MGRN1: variants seen among roughly 807,000 people sequenced by gnomAD.
MGRN1 encodes mahogunin ring finger 1, also known as E3 ubiquitin-protein ligase MGRN1.
In MGRN1, 29 loss-of-function variants were observed where a neutral mutation model predicts 69.2. The observed-to-expected ratio is 0.42, with a 90% CI of 0.31 to 0.57. The LOEUF (loss-of-function observed/expected upper bound fraction) is 0.57. MGRN1 is among the 20% of genes least tolerant of loss of function. MGRN1 has a pLI of 0.15. For missense variants in MGRN1, 998 were observed against 796.2 expected, an observed-to-expected ratio of 1.25 and a Z score of -3.05; for synonymous variants, 470 against 344.2, an observed-to-expected ratio of 1.37 and a Z score of -4.04.
chr16:4,652,725 G>A lies in MGRN1; in HGVS notation c.344G>A (p.Arg115Gln), dbSNP rs369428684. ...DSPTEDGDKP[R>Q]VLYSLEFTFD... ...CCCACCGAGGACGGCGACAAGCCCC[G>A]GGTGCTCTACAGCCTGGAGTTCACC... The change falls in exon 4 of 17, where the codon CGG becomes CAG. Residue 115 changes from arginine (R) to glutamine (Q), a missense_variant. Arg to Gln is a conservative substitution (Grantham distance 43). Coordinates refer to ENST00000262370, the MANE Select transcript of MGRN1 (RefSeq NM_015246.4). 43 of 1,613,134 alleles carry A rather than the reference G, an allele frequency of 2.7e-5. 1 individual carries two copies. Among genetic ancestry groups the A allele is most frequent in the South Asian group, 2.6e-4 (24 of 90,934 alleles).
In MGRN1 at chr16:4,664,763, G is replaced by T; in HGVS notation, c.616G>T (p.Asp206Tyr). The T allele has an allele frequency of 6.2e-7, 1 of 1,614,236 alleles. No homozygotes were observed. Among genetic ancestry groups the T allele is most frequent in the South Asian group, 1.1e-5 (1 of 91,086 alleles). ...TCCAGTAGTCATCCAGGCTGTGGTGGACGAAGGAGATGGTGAGTGCGTCCT... is the reference window on the plus strand; with the variant it reads ...TCCAGTAGTCATCCAGGCTGTGGTGTACGAAGGAGATGGTGAGTGCGTCCT... The part of the protein sequence containing the change: ...VFPVVIQAVV[D>Y]EGDVVEVTGH... Residue 206 changes from aspartate to tyrosine, a missense_variant, in exon 6 of 17, where the codon GAC becomes TAC. Transcript: ENST00000262370.
rs778497664 is a variant in MGRN1 at position 4,683,202 on chromosome 16, T to C, written c.1483-22T>C. On this transcript the variant is annotated intron_variant, in intron 14 of 16. Transcript: ENST00000262370. ...GGCCGCGGCTCTCTGAGCTCTAGGC[T>C]ACTTTCCCCTTTGTTTCCTAGAGTT... 5.0e-6 allele frequency: 8 copies of C among 1,613,178 alleles called. No individual in the cohort carries two copies. The East Asian group carries it at 1.8e-4, about 36-fold the overall frequency.
At position 4,624,855 on chromosome 16, in the gene MGRN1, A is replaced by G. The variant is rs1897583622; in HGVS notation, c.-106A>G. ...GCTCGAGGCGCCTCCGCGGCCGTGG[A>G]CGAGCGTCCGTGCGGCCTGGTCCGG... On this transcript the variant is annotated 5_prime_UTR_variant, in exon 1 of 17. Coordinates refer to ENST00000262370, the MANE Select transcript of MGRN1 (RefSeq NM_015246.4). The G allele has an allele frequency of 1.1e-6, 1 of 942,122 alleles. No homozygotes were observed. Among genetic ancestry groups the G allele is most frequent in the African/African-American group, 1.7e-5 (1 of 57,706 alleles). 58.4% of individuals were successfully genotyped at this position (942,122 alleles called of 1,614,324 possible). A position where few individuals can be genotyped will look rare whatever the true frequency, so the allele number is the denominator to read the frequency against.
chr16:4,638,474 AAT>A (rs2078081373), intron 1 of MGRN1, among the ~76,000 whole-genome samples: 1 of 151,514 alleles, frequency 6.6e-6, no homozygotes, highest in African/African-American at 2.4e-5. Flanking sequence ...CAAAAAAAAA[AAT>A]AAATAAATAT....
intron 1 of MGRN1, 112 bp downstream of exon 1, chr16:4,625,160 T>G: frequency 9.6e-7 from 1 of 1,044,626 alleles, no homozygotes; most frequent in Non-Finnish European, 1.3e-6. Flanking sequence ...CCTCCGGGCC[T>G]CGTTGCTACC....
chr16:4,666,834 G>C (rs1047776281), intron 7 of MGRN1, among the ~76,000 whole-genome samples: 1 of 152,188 alleles, frequency 6.6e-6, no homozygotes, highest in African/African-American at 2.4e-5. Flanking sequence ...CTGTCCTCTT[G>C]GGTGTCTTGG....
rs1467212925 is a variant in MGRN1 at position 4,689,618 on chromosome 16, C to G, written c.*710C>G. The G allele has an allele frequency of 1.3e-5, 2 of 151,914 alleles. No homozygotes were observed. The highest frequency in any genetic ancestry group is 4.8e-5 in the African/African-American group (2 of 41,318). The allele number at this position is 151,914 out of a possible 1,614,324, so 9.4% of individuals were successfully genotyped here. On this transcript the variant is annotated 3_prime_UTR_variant, in exon 17 of 17. Coordinates refer to ENST00000262370, the MANE Select transcript of MGRN1 (RefSeq NM_015246.4). ...AGCATTCAGTGGCCTTGTCACCAAG[C>G]TCCACACCTCCTCCTGGTGCTGGCT...
At chr16:4,684,239 A>C (rs1040794882) in intron 16 of MGRN1, among the ~76,000 whole-genome samples, 4 of 152,192 alleles carry the variant, frequency 2.6e-5, no homozygotes, top group African/African-American at 9.6e-5. Flanking sequence ...CTGTGAGAGG[A>C]TGGGGTCCTT....
At chr16:4,625,246 A>ACTG (rs1177694341) in intron 1 of MGRN1, among the ~76,000 whole-genome samples, 198 bp downstream of exon 1, 9 of 152,064 alleles carry the variant, frequency 5.9e-5, no homozygotes, top group African/African-American at 2.2e-4. Flanking sequence ...CCCGAGCCGT[A>ACTG]CCTGGCGCTG....
At chr16:4,688,573 T>A in intron 16 of MGRN1, 1 of 1,290,132 alleles carries the variant, frequency 7.8e-7, no homozygotes, top group Non-Finnish European at 9.8e-7. Context: ...TGTCCGGGGA[T>A]CTGGGATCGT....
At position 4,690,601 on chromosome 16, in the gene MGRN1, T is replaced by C. The variant is rs841220; in HGVS notation, c.*1693T>C. On this transcript the variant is annotated 3_prime_UTR_variant, in exon 17 of 17. Coordinates refer to ENST00000262370, the MANE Select transcript of MGRN1 (RefSeq NM_015246.4). Reference sequence around the variant, plus strand: ...GCCCACTTGCACATGCTCACGCACATGTTCACACATGCACACTCACGCTCA... The same window carrying C: ...GCCCACTTGCACATGCTCACGCACACGTTCACACATGCACACTCACGCTCA... The C allele has an allele frequency of 0.57, 86,514 of 152,244 alleles. 24,835 individuals carry two copies. Among genetic ancestry groups the C allele is most frequent in the East Asian group, 0.66 (3,383 of 5,164 alleles). 9.4% of individuals were successfully genotyped at this position (152,244 alleles called of 1,614,324 possible).
intron 2 of MGRN1, 37 bp downstream of exon 2, chr16:4,650,520 G>A (rs950077013): frequency 1.7e-5 from 25 of 1,512,756 alleles, no homozygotes; most frequent in African/African-American, 2.8e-5. Context: ...GGGCTGTGGG[G>A]GTGGGAGGCC....
rs201924536 is a variant in MGRN1 at position 4,673,617 on chromosome 16, G to A, written c.915G>A (p.Thr305=). 1.1e-5 allele frequency: 17 copies of A among 1,613,548 alleles called. No homozygotes were observed. Among genetic ancestry groups the A allele is most frequent in the Middle Eastern group, 1.7e-4 (1 of 6,058 alleles). ...HLCLCTSCAD[T]LRYQANNCPI... ...GCCTCTGTACCTCCTGCGCCGACAC[G>A]CTGCGCTACCAGGCCAACAACTGCC... The change falls in exon 10 of 17, where the codon ACG becomes ACA. Residue 305 remains threonine (T), a synonymous_variant. Coordinates refer to ENST00000262370, the MANE Select transcript of MGRN1 (RefSeq NM_015246.4).
Position 4,664,754 on chromosome 16 carries a change from G to A in MGRN1, c.607G>A (p.Ala203Thr), listed in dbSNP as rs912638673. Residue 203 changes from alanine to threonine, a missense_variant, in exon 6 of 17, where the codon GCT becomes ACT. Ala to Thr is a moderately conservative substitution (Grantham distance 58, BLOSUM62 0). Transcript: ENST00000262370. ...GGGCGTGTTTCCAGTAGTCATCCAG[G>A]CTGTGGTGGACGAAGGAGATGGTGA... is the stretch of plus-strand genomic sequence containing the variant. Reference protein sequence around the residue: ...DRGVFPVVIQAVVDEGDVVEV... With the variant: ...DRGVFPVVIQTVVDEGDVVEV... The A allele has an allele frequency of 1.9e-6, 3 of 1,614,234 alleles. No homozygotes were observed. Among genetic ancestry groups the A allele is most frequent in the Non-Finnish European group, 8.5e-7 (1 of 1,180,050 alleles).
chr16:4,666,632 C>G (rs1163108272), intron 7 of MGRN1, among the ~76,000 whole-genome samples: 1 of 152,202 alleles, frequency 6.6e-6, no homozygotes, highest in Admixed American at 6.5e-5. Flanking sequence ...TAGCTTTTTC[C>G]TACCAGGCTC....
chr16:4,652,629 G>A lies in MGRN1; in HGVS notation c.297-49G>A, dbSNP rs367993987. 5.0e-5 allele frequency: 78 copies of A among 1,565,228 alleles called. 2 individuals carry two copies. The highest frequency in any genetic ancestry group is 2.7e-5 in the African/African-American group (2 of 73,666). On this transcript the variant is annotated intron_variant, in intron 3 of 16. Coordinates refer to ENST00000262370, the MANE Select transcript of MGRN1 (RefSeq NM_015246.4). ...CCTGGCAGGGGAGGAGGCAGCCTCCGCAGATGGGGCCGCTGACCCGCTGCC... is the reference window on the plus strand; with the variant it reads ...CCTGGCAGGGGAGGAGGCAGCCTCCACAGATGGGGCCGCTGACCCGCTGCC...
chr16:4,632,390 T>G (rs1414762473), intron 1 of MGRN1, among the ~76,000 whole-genome samples: 22 of 151,738 alleles, frequency 1.4e-4, no homozygotes, highest in Non-Finnish European at 1.5e-4. Flanking sequence ...CAGTGGTTTT[T>G]TTTGTTTGTT....
intron 1 of MGRN1, among the ~76,000 whole-genome samples, chr16:4,638,610 C>A (rs2078085336): frequency 6.6e-6 from 1 of 152,254 alleles, no homozygotes; most frequent in Non-Finnish European, 1.5e-5. Flanking sequence ...CACTCGAAGG[C>A]TGTGGGGCTG....
At chr16:4,651,058 G>T (rs972061483) in intron 2 of MGRN1, 1 of 151,716 alleles carries the variant, frequency 6.6e-6, no homozygotes, top group South Asian at 2.1e-4. Flanking sequence ...GCAGTGAGCC[G>T]AGATTGCACC....
Sources: allele counts gnomAD v4.1 joint callset (sites outside exome capture counted in the v4.1 genomes callset), GRCh38; gene constraint gnomAD v4.1.1; transcripts MANE v1.5; gene names NCBI Gene and HGNC (gene_info 2026-07-23, HGNC 2026-07-21).